The following TRAF3 variants were observed in gnomAD, a reference collection of about 807,000 sequenced individuals.
The protein encoded by TRAF3 is TNF receptor-associated factor 3.
Under a neutral mutation model 62.3 loss-of-function variants are expected in TRAF3, and 13 were observed. The observed-to-expected ratio is 0.21, with a 90% CI of 0.14 to 0.33. The LOEUF is 0.33. TRAF3 is among the 10% of genes least tolerant of loss of function. The pLI, the probability that TRAF3 is intolerant of heterozygous loss-of-function variation, is 1.00. For missense variants in TRAF3, 440 were observed against 741.8 expected, an observed-to-expected ratio of 0.59 and a Z score of 4.73; for synonymous variants, 269 against 283.4, an observed-to-expected ratio of 0.95 and a Z score of 0.51.
intron 9 of TRAF3, among the ~76,000 whole-genome samples, chr14:102,892,044 GTTCT>G (rs1889748255): frequency 2.1e-5 from 3 of 141,070 alleles, no homozygotes; most frequent in Admixed American, 1.4e-4. Flanking sequence ...CTCCCATGCT[GTTCT>G]TTTTTTTTTT....
intron 1 of TRAF3, among the ~76,000 whole-genome samples, chr14:102,811,907 C>G (rs2139523151): frequency 1.0e-5 from 1 of 97,560 alleles, no homozygotes; most frequent in African/African-American, 3.6e-5. Flanking sequence ...GCCACCATGC[C>G]TGGCCCTTTT....
chr14:102,789,122 G>GT lies in TRAF3; in HGVS notation c.-157+11453dup. On this transcript the variant is annotated intron_variant, in intron 1 of 11. Coordinates refer to ENST00000392745, the MANE Select transcript of TRAF3 (RefSeq NM_145725.3). ...ATAGCATCTAGGAATCATATAACTT[G>GT]TTTTTTGTATCTGGCTGCTTTCACT... Among the ~76,000 whole-genome samples the GT allele has an allele frequency of 2.6e-5, 4 of 152,116 alleles. 1 individual carries two copies. The highest frequency in any genetic ancestry group is 2.6e-4 in the Admixed American group (4 of 15,270).
chr14:102,785,232 A>G (rs1027557450), intron 1 of TRAF3, among the ~76,000 whole-genome samples: 12 of 152,298 alleles, frequency 7.9e-5, no homozygotes, highest in South Asian at 2.1e-4. Flanking sequence ...TGTTTTGCCT[A>G]TATGGCTGAT....
In TRAF3 at chr14:102,906,128, C is replaced by A; in HGVS notation, c.*344C>A. 4.6e-6 allele frequency: 1 copy of A among 216,956 alleles called. No homozygotes were observed. The highest frequency in any genetic ancestry group is 5.1e-5 in the Admixed American group (1 of 19,434). 13.4% of individuals were successfully genotyped at this position (216,956 alleles called of 1,614,324 possible). On this transcript the variant is annotated 3_prime_UTR_variant, in exon 12 of 12. Coordinates refer to ENST00000392745, the MANE Select transcript of TRAF3 (RefSeq NM_145725.3). ...ATTTTTCTTCCTTAAACTTGAACAC[C>A]AAAAAAACACACACACACACACACG...
intron 6 of TRAF3, among the ~76,000 whole-genome samples, chr14:102,877,455 G>C (rs771393449): frequency 1.5e-5 from 2 of 129,570 alleles, no homozygotes; most frequent in Non-Finnish European, 3.2e-5. Flanking sequence ...CTTCTGCTTA[G>C]CTCATAGATA....
At chr14:102,796,431 G>A (rs1206592538) in intron 1 of TRAF3, among the ~76,000 whole-genome samples, 1 of 152,208 alleles carries the variant, frequency 6.6e-6, no homozygotes, top group East Asian at 1.9e-4. Flanking sequence ...GAGCCACTCT[G>A]GCAAATTAAT....
intron 9 of TRAF3, chr14:102,895,272 A>G (rs1889944150): frequency 1.3e-5 from 4 of 313,142 alleles, no homozygotes; most frequent in South Asian, 5.4e-5. Flanking sequence ...GTAAAATCCT[A>G]GGAAAGTGAA....
At chr14:102,796,437 T>C (rs1329427353) in intron 1 of TRAF3, among the ~76,000 whole-genome samples, 1 of 152,214 alleles carries the variant, frequency 6.6e-6, no homozygotes, top group Non-Finnish European at 1.5e-5. Context: ...CTCTGGCAAA[T>C]TAATCGAATC....
At chr14:102,821,656 AGTGT>A (rs922080469) in intron 1 of TRAF3, among the ~76,000 whole-genome samples, 3 of 152,180 alleles carry the variant, frequency 2.0e-5, no homozygotes, top group African/African-American at 7.2e-5. Flanking sequence ...TTGATTTCTT[AGTGT>A]GTGTGTATCA....
In TRAF3 at chr14:102,820,697, C is replaced by T. The variant is rs568889205; in HGVS notation, c.-156-9637C>T. Among the ~76,000 whole-genome samples, 23 of 136,394 alleles carry T rather than the reference C, an allele frequency of 1.7e-4. No homozygotes were observed. In the South Asian group the frequency reaches 4.3e-3, roughly 25 times the overall value. 89.5% of individuals were successfully genotyped at this position (136,394 alleles called of 152,430 possible). On this transcript the variant is annotated intron_variant, in intron 1 of 11. Transcript: ENST00000392745. Reference sequence around the variant, plus strand: ...CCAGAGCACAGTGGTGCAATCACAGCGCACTGCAGTGCAGCCTCAATCTCC... The same window carrying T: ...CCAGAGCACAGTGGTGCAATCACAGTGCACTGCAGTGCAGCCTCAATCTCC...
At chr14:102,886,315 C>T (rs373844411) in intron 7 of TRAF3, 46 bp downstream of exon 7, 2 of 1,530,758 alleles carry the variant, frequency 1.3e-6, no homozygotes, top group African/African-American at 1.4e-5. Flanking sequence ...GTCCTCAGGG[C>T]TGCGTGCCTG....
intron 2 of TRAF3, among the ~76,000 whole-genome samples, chr14:102,838,138 ACT>A (rs1886140929): frequency 6.6e-6 from 1 of 152,118 alleles, no homozygotes; most frequent in Non-Finnish European, 1.5e-5. Context: ...GAATCTTCGT[ACT>A]CTAGTTTCCT....
chr14:102,842,997 C>T (rs916671703), intron 2 of TRAF3, among the ~76,000 whole-genome samples: 5 of 151,980 alleles, frequency 3.3e-5, no homozygotes, highest in African/African-American at 4.8e-5. Context: ...CACCTGAGGT[C>T]GGGAGTTTGA....
At chr14:102,804,171 C>G (rs1237087168) in intron 1 of TRAF3, among the ~76,000 whole-genome samples, 1 of 151,408 alleles carries the variant, frequency 6.6e-6, no homozygotes, top group Non-Finnish European at 1.5e-5. Context: ...GCCTCAGTGA[C>G]AGAGTGAGAC....
intron 1 of TRAF3, among the ~76,000 whole-genome samples, chr14:102,815,036 A>G (rs947216612): frequency 7.2e-5 from 11 of 152,202 alleles, no homozygotes; most frequent in Non-Finnish European, 1.3e-4. Flanking sequence ...CTAGAGCTCA[A>G]GGGAGCCTAC....
chr14:102,892,602 C>T (rs1435654728), intron 9 of TRAF3, among the ~76,000 whole-genome samples: 1 of 152,152 alleles, frequency 6.6e-6, no homozygotes, highest in Non-Finnish European at 1.5e-5. Context: ...CTATTGAGAA[C>T]TTGTAGTAGG....
In TRAF3 at chr14:102,903,125, C is replaced by T. The variant is rs368284842; in HGVS notation, c.961-130C>T. Reference sequence around the variant, plus strand: ...AGAGCCCCACTCCTGGAGTCAGAGCCGCGGGTGGCAGGCCTCATACAGGGG... The same window carrying T: ...AGAGCCCCACTCCTGGAGTCAGAGCTGCGGGTGGCAGGCCTCATACAGGGG... On this transcript the variant is annotated intron_variant, in intron 10 of 11. Transcript: ENST00000392745. The surrounding 1 kb of genome is among the most constrained non-coding windows in gnomAD (Gnocchi z 6.4). The T allele has an allele frequency of 1.0e-4, 132 of 1,283,566 alleles. 1 individual carries two copies. In the South Asian group the frequency reaches 1.3e-3, roughly 13 times the overall value. The allele number at this position is 1,283,566 out of a possible 1,614,324, so 79.5% of individuals were successfully genotyped here.
At chr14:102,844,120 T>C (rs1241019388) in intron 2 of TRAF3, among the ~76,000 whole-genome samples, 4 of 152,258 alleles carry the variant, frequency 2.6e-5, no homozygotes, top group African/African-American at 9.6e-5. Flanking sequence ...GAGGGAATGC[T>C]GGGAATGTGT....
intron 1 of TRAF3, among the ~76,000 whole-genome samples, chr14:102,812,697 A>G (rs1227083185): frequency 6.6e-6 from 1 of 151,972 alleles, no homozygotes; most frequent in African/African-American, 2.4e-5. Flanking sequence ...AGGGGGGCGG[A>G]TCACGAGGTC....
Sources: gnomAD v4.1 joint callset for allele counts (sites outside exome capture counted in the v4.1 genomes callset) on GRCh38, gnomAD v4.1.1 for gene constraint, Gnocchi (gnomAD v3.1) non-coding constraint, MANE v1.5 for transcripts, NCBI Gene and HGNC (gene_info 2026-07-23, HGNC 2026-07-21) for gene names.